Variants in SGIP1 observed in about 807,000 individuals in gnomAD.
SGIP1 encodes SH3GL interacting endocytic adaptor 1.
In SGIP1, 38 loss-of-function variants were observed where a neutral mutation model predicts 107.5. The observed-to-expected ratio is 0.35, with a 90% CI of 0.27 to 0.46. The LOEUF (loss-of-function observed/expected upper bound fraction) is 0.46. SGIP1 is among the 20% of genes least tolerant of loss of function. The probability of loss-of-function intolerance (pLI) is 1.00; values close to 1 mark genes in which losing one functional copy is unlikely to be tolerated. For missense variants in SGIP1, 929 were observed against 1,019.5 expected, an observed-to-expected ratio of 0.91 and a Z score of 1.21; for synonymous variants, 365 against 366.1, an observed-to-expected ratio of 1.00 and a Z score of 0.03.
intron 1 of SGIP1, among the ~76,000 whole-genome samples, chr1:66,573,059 G>A (rs2060595380): frequency 6.6e-6 from 1 of 151,990 alleles, no homozygotes; most frequent in Non-Finnish European, 1.5e-5. Flanking sequence ...GGGAGGGTTG[G>A]GGGGAAATGG....
chr1:66,750,105 C>T lies in SGIP1; in HGVS notation c.*7010C>T, dbSNP rs557345039. ...CTGTCTAAGGGGAATTGGAAAATTG[C>T]TGCTGAATAATTTTTCTTGAAAAAG... On this transcript the variant is annotated 3_prime_UTR_variant, in exon 25 of 25. Coordinates refer to ENST00000371037, the MANE Select transcript of SGIP1 (RefSeq NM_032291.4). Among the ~76,000 whole-genome samples the T allele has an allele frequency of 2.0e-5, 3 of 150,894 alleles. No homozygotes were observed. Among genetic ancestry groups the T allele is most frequent in the African/African-American group, 4.9e-5 (2 of 41,070 alleles).
Position 66,555,528 on chromosome 1 carries a change from G to A in SGIP1, c.10+21160G>A, listed in dbSNP as rs147389063. Among the ~76,000 whole-genome samples the A allele has an allele frequency of 1.2e-3, 179 of 152,200 alleles. 3 individuals are homozygous for A. The highest frequency in any genetic ancestry group is 0.01 in the Middle Eastern group (3 of 294). ...GTACAATCCCAGGCTCATAATAAAA[G>A]CTTAGTAAATATTGGTTGAATTAAC... On this transcript the variant is annotated intron_variant, in intron 1 of 24. Coordinates refer to ENST00000371037, the MANE Select transcript of SGIP1 (RefSeq NM_032291.4).
At chr1:66,681,736 AT>A in intron 14 of SGIP1, 132 bp from the exon 15 acceptor site, 1 of 847,344 alleles carries the variant, frequency 1.2e-6, no homozygotes. Flanking sequence ...CAATAAAGAT[AT>A]TTTTACATCA....
intron 1 of SGIP1, among the ~76,000 whole-genome samples, chr1:66,588,123 C>G (rs897806518): frequency 7.2e-5 from 11 of 152,106 alleles, no homozygotes; most frequent in Non-Finnish European, 1.5e-4. Flanking sequence ...TATTTAGACC[C>G]TCTTTGTAAT....
At position 66,729,351 on chromosome 1, in the gene SGIP1, T is replaced by C. The variant is rs774271536; in HGVS notation, c.1830T>C (p.Ala610=). 1.2e-6 allele frequency: 2 copies of C among 1,614,156 alleles called. No individual in the cohort carries two copies. Among genetic ancestry groups the C allele is most frequent in the South Asian group, 1.1e-5 (1 of 91,086 alleles). The change falls in exon 20 of 25, where the codon GCT becomes GCC. Residue 610 remains alanine (A), a synonymous_variant. Coordinates refer to ENST00000371037, the MANE Select transcript of SGIP1 (RefSeq NM_032291.4). ...TTGCCAACAACCCGTCCCCAGCTGC[T>C]CTGACTTTTCGGGTGATAAATTTCA... ...RHFANNPSPA[A]LTFRVINFSR...
At chr1:66,547,045 A>G (rs4134135) in intron 1 of SGIP1, among the ~76,000 whole-genome samples, 113,906 of 152,036 alleles carry the variant, frequency 0.75, 43,842 homozygotes, top group East Asian at 1. Context: ...TTTTATGTAA[A>G]TATAATGTAG....
At chr1:66,729,481 T>A in intron 20 of SGIP1, 62 bp downstream of exon 20, 7 of 1,593,184 alleles carry the variant, frequency 4.4e-6, no homozygotes, top group Non-Finnish European at 6.0e-6. Flanking sequence ...TGTACTTAGA[T>A]GAGGGATATA....
chr1:66,705,829 A>G lies in SGIP1; in HGVS notation c.1630+10336A>G, dbSNP rs12128148. Among the ~76,000 whole-genome samples the G allele has an allele frequency of 5.1e-3, 780 of 152,216 alleles. 4 individuals carry two copies. Among genetic ancestry groups the G allele is most frequent in the Non-Finnish European group, 9.2e-3 (628 of 68,002 alleles). On this transcript the variant is annotated intron_variant, in intron 18 of 24. Transcript: ENST00000371037. ...AGTAGGAGTTGAACAATGAGAACAC[A>G]TGGACACAGGGAGGGGAACAACACA...
chr1:66,676,004 A>G (rs2085234421), intron 12 of SGIP1, among the ~76,000 whole-genome samples: 1 of 152,226 alleles, frequency 6.6e-6, no homozygotes, highest in Non-Finnish European at 1.5e-5. Context: ...TATCAACCAC[A>G]TAGTGGTGGT....
chr1:66,537,009 G>T (rs1202691580), intron 1 of SGIP1, among the ~76,000 whole-genome samples: 1 of 152,078 alleles, frequency 6.6e-6, no homozygotes, highest in Non-Finnish European at 1.5e-5. Context: ...ACAGGATATA[G>T]GCTCCATTCA....
chr1:66,662,652 G>A (rs2081741393), intron 8 of SGIP1, among the ~76,000 whole-genome samples: 1 of 152,100 alleles, frequency 6.6e-6, no homozygotes, highest in Non-Finnish European at 1.5e-5. Flanking sequence ...CTTCATTCCA[G>A]TGACAAAATC....
intron 5 of SGIP1, among the ~76,000 whole-genome samples, chr1:66,641,188 G>A (rs760758415): frequency 2.6e-5 from 4 of 152,036 alleles, no homozygotes; most frequent in African/African-American, 4.8e-5. Flanking sequence ...TTTGCTAAGA[G>A]TTTAAGTGCT....
chr1:66,705,384 G>C (rs1274975434), intron 18 of SGIP1, among the ~76,000 whole-genome samples: 1 of 152,198 alleles, frequency 6.6e-6, no homozygotes, highest in Non-Finnish European at 1.5e-5. Flanking sequence ...TATGCCCTGA[G>C]AAAACATAAG....
At chr1:66,618,023 A>G (rs1022136704) in intron 1 of SGIP1, among the ~76,000 whole-genome samples, 1 of 147,708 alleles carries the variant, frequency 6.8e-6, no homozygotes, top group Non-Finnish European at 1.5e-5. Context: ...GCGCCATGAT[A>G]TAGAATCAAT....
At position 66,667,950 on chromosome 1, in the gene SGIP1, G is replaced by T. The variant is rs190477756; in HGVS notation, c.483+409G>T. Reference sequence around the variant, plus strand: ...AGGACATCATTTTTAAGCCATCATTGTTTGTAAGCCTGAATTCAAAATATG... The same window carrying T: ...AGGACATCATTTTTAAGCCATCATTTTTTGTAAGCCTGAATTCAAAATATG... On this transcript the variant is annotated intron_variant, in intron 9 of 24. Transcript: ENST00000371037. Among the ~76,000 whole-genome samples, 76 of 152,308 alleles carry T rather than the reference G, an allele frequency of 5.0e-4. 1 individual carries two copies. The East Asian group carries it at 0.013, about 26-fold the overall frequency.
chr1:66,675,548 T>TTTTTTTTTTTTTTTG, intron 12 of SGIP1, among the ~76,000 whole-genome samples: 1 of 135,280 alleles, frequency 7.4e-6, no homozygotes, highest in Non-Finnish European at 1.6e-5. Flanking sequence ...TTTCTTTTTT[T>TTTTTTTTTTTTTTTG]TTTTTTTTTT....
At chr1:66,617,489 T>A (rs1324807323) in intron 1 of SGIP1, among the ~76,000 whole-genome samples, 3 of 152,206 alleles carry the variant, frequency 2.0e-5, no homozygotes, top group African/African-American at 7.2e-5. Flanking sequence ...ACAGTGAGCA[T>A]CATAATGAAA....
intron 12 of SGIP1, among the ~76,000 whole-genome samples, chr1:66,673,922 C>T (rs1195780963): frequency 1.3e-5 from 2 of 152,090 alleles, no homozygotes; most frequent in African/African-American, 2.4e-5. Flanking sequence ...AATCCCAGCA[C>T]TTTGGGATGC....
At chr1:66,676,065 T>C (rs1000615579) in intron 12 of SGIP1, among the ~76,000 whole-genome samples, 1 of 152,236 alleles carries the variant, frequency 6.6e-6, no homozygotes, top group African/African-American at 2.4e-5. Flanking sequence ...ATACGTGTTT[T>C]ATAGACATTT....
Sources: gnomAD v4.1 joint callset for allele counts (sites outside exome capture counted in the v4.1 genomes callset) on GRCh38, gnomAD v4.1.1 for gene constraint, MANE v1.5 for transcripts, NCBI Gene and HGNC (gene_info 2026-07-23, HGNC 2026-07-21) for gene names.